ST7L: variants seen among roughly 807,000 people sequenced by gnomAD.
ST7L encodes the protein suppressor of tumorigenicity 7 protein-like.
Under a neutral mutation model 72.5 loss-of-function variants are expected in ST7L, and 57 were observed. The ratio of observed to expected loss-of-function variants is 0.79; its 90% CI spans 0.64 to 0.98. The LOEUF (loss-of-function observed/expected upper bound fraction) is 0.98. Ranked by LOEUF, ST7L falls within the 50% of genes least tolerant of loss-of-function variation. The pLI is 0.00. For synonymous variants in ST7L, 221 were observed against 240.9 expected, an observed-to-expected ratio of 0.92 and a Z score of 0.77; for missense variants, 576 against 672.2, an observed-to-expected ratio of 0.86 and a Z score of 1.58.
At chr1:112,537,161 A>C (rs1411931642) in intron 14 of ST7L, among the ~76,000 whole-genome samples, 44 of 152,064 alleles carry the variant, frequency 2.9e-4, no homozygotes, top group Admixed American at 2.8e-3. Flanking sequence ...ACGCCCAGCT[A>C]ATTTTTTTTG....
At chr1:112,536,813 G>A (rs952550631) in intron 14 of ST7L, among the ~76,000 whole-genome samples, 2 of 152,168 alleles carry the variant, frequency 1.3e-5, no homozygotes, top group East Asian at 3.9e-4. Flanking sequence ...AGAAATATGT[G>A]GAAACAAAGC....
intron 14 of ST7L, among the ~76,000 whole-genome samples, chr1:112,532,763 T>C (rs1654581465): frequency 1.3e-5 from 2 of 152,208 alleles, no homozygotes; most frequent in African/African-American, 4.8e-5. Flanking sequence ...AAGACAATCT[T>C]AATGTTATTA....
chr1:112,519,729 C>G (rs1652752362), downstream of ST7L, among the ~76,000 whole-genome samples: 1 of 152,128 alleles, frequency 6.6e-6, no homozygotes, highest in South Asian at 2.1e-4. Context: ...TTCAGATGAA[C>G]AGAGATTATA....
At chr1:112,615,815 C>A (rs1397374546) in intron 2 of ST7L, among the ~76,000 whole-genome samples, 1 of 152,096 alleles carries the variant, frequency 6.6e-6, no homozygotes, top group Non-Finnish European at 1.5e-5. Context: ...TCTTGGTTCA[C>A]TGTAACCTCC....
chr1:112,585,690 AC>A (rs1466684883), intron 6 of ST7L, among the ~76,000 whole-genome samples: 5 of 151,412 alleles, frequency 3.3e-5, no homozygotes, highest in Non-Finnish European at 7.4e-5. Context: ...CCAAGATTGC[AC>A]CACTGCACTC....
At chr1:112,583,235 T>A (rs1010732983) in intron 7 of ST7L, among the ~76,000 whole-genome samples, 1 of 152,208 alleles carries the variant, frequency 6.6e-6, no homozygotes, top group Non-Finnish European at 1.5e-5. Context: ...TAGCTGCCAG[T>A]AGATAATGCA....
Position 112,556,988 on chromosome 1 carries a change from A to C in ST7L, c.1246-970T>G, listed in dbSNP as rs572842558. On this transcript the variant is annotated intron_variant, in intron 11 of 14. Coordinates refer to ENST00000358039, the MANE Select transcript of ST7L (RefSeq NM_017744.5). ...TCTCAAAAAAAAAAAAAAAAAACAAAAAAAAAAAAACACAAAGAAAAGAAA... is the reference window on the plus strand; with the variant it reads ...TCTCAAAAAAAAAAAAAAAAAACAACAAAAAAAAAACACAAAGAAAAGAAA... Among the ~76,000 whole-genome samples the C allele has an allele frequency of 8.4e-3, 1,195 of 142,170 alleles. 25 individuals are homozygous for C. Among genetic ancestry groups the C allele is most frequent in the Non-Finnish European group, 0.013 (852 of 66,804 alleles). 93.3% of individuals were successfully genotyped at this position (142,170 alleles called of 152,430 possible). A position where few individuals can be genotyped will look rare whatever the true frequency, so the allele number is the denominator to read the frequency against.
chr1:112,562,154 G>T (rs952260397), intron 11 of ST7L, among the ~76,000 whole-genome samples: 3 of 151,900 alleles, frequency 2.0e-5, no homozygotes, highest in Non-Finnish European at 4.4e-5. Flanking sequence ...TTTTTGTAGA[G>T]ATAGGGTTTC....
chr1:112,599,192 T>C (rs1386309775), intron 4 of ST7L, among the ~76,000 whole-genome samples: 3 of 140,500 alleles, frequency 2.1e-5, no homozygotes, highest in Admixed American at 7.3e-5. Flanking sequence ...AAATGGATAC[T>C]GCATAATACA....
chr1:112,550,995 T>C (rs1658030913), intron 12 of ST7L, among the ~76,000 whole-genome samples: 2 of 152,092 alleles, frequency 1.3e-5, no homozygotes, highest in Non-Finnish European at 2.9e-5. Context: ...CAAAGCAGAA[T>C]TGATAATTCT....
chr1:112,616,692 G>A (rs1161428786), intron 2 of ST7L, 121 bp downstream of exon 2: 24 of 607,466 alleles, frequency 4.0e-5, no homozygotes, highest in Admixed American at 6.8e-5. Context: ...GCAGTGAGCC[G>A]AGATCATGCC....
intron 3 of ST7L, among the ~76,000 whole-genome samples, chr1:112,609,469 C>A (rs1032221747): frequency 2.7e-5 from 4 of 148,488 alleles, no homozygotes; most frequent in Non-Finnish European, 4.4e-5. Flanking sequence ...AGGCAGAGGT[C>A]GCAGTGAGCT....
At chr1:112,559,206 A>T (rs1184178103) in intron 11 of ST7L, among the ~76,000 whole-genome samples, 1 of 152,212 alleles carries the variant, frequency 6.6e-6, no homozygotes, top group Non-Finnish European at 1.5e-5. Context: ...AGTAAAGCTT[A>T]TATTACAAAA....
At chr1:112,573,841 C>CCAGG (rs1219050044) in intron 11 of ST7L, among the ~76,000 whole-genome samples, 2 of 150,838 alleles carry the variant, frequency 1.3e-5, no homozygotes, top group Non-Finnish European at 2.9e-5. Context: ...TTGCAGTGGG[C>CCAGG]CAAGATCACA....
downstream of ST7L, among the ~76,000 whole-genome samples, chr1:112,519,587 T>C (rs1570802334): frequency 6.6e-6 from 1 of 152,288 alleles, no homozygotes; most frequent in East Asian, 1.9e-4. Context: ...ACATGATCCC[T>C]ATCCTAGAGT....
At chr1:112,543,956 C>T (rs1656644926) in intron 13 of ST7L, among the ~76,000 whole-genome samples, 1 of 151,524 alleles carries the variant, frequency 6.6e-6, no homozygotes, top group African/African-American at 2.4e-5. Context: ...CTTATTTTAC[C>T]ATATTTACAT....
At chr1:112,592,614 A>G (rs1445908556) in intron 5 of ST7L, among the ~76,000 whole-genome samples, 14 of 152,204 alleles carry the variant, frequency 9.2e-5, no homozygotes, top group Admixed American at 8.5e-4. Context: ...AATAATGCAT[A>G]ATACTAGACT....
At chr1:112,526,276 T>A (rs1481066244) in intron 14 of ST7L, 165 bp from the exon 15 acceptor site, 1 of 803,630 alleles carries the variant, frequency 1.2e-6, no homozygotes, top group Non-Finnish European at 2.0e-6. Flanking sequence ...ACCAGTACCA[T>A]GTGACCACTA....
At chr1:112,543,868 C>CAAAAAAAAAA (rs11418345) in intron 13 of ST7L, among the ~76,000 whole-genome samples, 1 of 59,424 alleles carries the variant, frequency 1.7e-5, no homozygotes, top group Admixed American at 2.1e-4. Flanking sequence ...GACTCTATCT[C>CAAAAAAAAAA]AAAAAAAAAA....
Sources: gnomAD v4.1 joint callset for allele counts (sites outside exome capture counted in the v4.1 genomes callset) on GRCh38, gnomAD v4.1.1 for gene constraint, MANE v1.5 for transcripts, NCBI Gene and HGNC (gene_info 2026-07-23, HGNC 2026-07-21) for gene names.